TGM4: variants seen among roughly 807,000 people sequenced by gnomAD.
The protein encoded by TGM4 is protein-glutamine gamma-glutamyltransferase 4.
A neutral mutation model predicts 76.3 loss-of-function variants in TGM4; 61 were observed. That is an observed-to-expected ratio of 0.80 (90% confidence interval 0.65 to 0.99). The LOEUF (loss-of-function observed/expected upper bound fraction) is 0.99, where lower values mean the gene tolerates loss of function less well. TGM4 is among the 50% of genes least tolerant of loss of function. The probability of loss-of-function intolerance (pLI) is 0.00; values close to 1 mark genes in which losing one functional copy is unlikely to be tolerated. For missense variants in TGM4, 794 were observed against 843.2 expected, an observed-to-expected ratio of 0.94 and a Z score of 0.72; for synonymous variants, 337 against 329.8, an observed-to-expected ratio of 1.02 and a Z score of -0.24.
chr3:44,879,706 G>A (rs533880331), intron 1 of TGM4, among the ~76,000 whole-genome samples: 2 of 152,038 alleles, frequency 1.3e-5, no homozygotes, highest in South Asian at 2.1e-4. Flanking sequence ...TCGAACTCCT[G>A]ACCTCAGGTG....
chr3:44,910,468 T>C, intron 11 of TGM4, 100 bp downstream of exon 11: 1 of 1,409,150 alleles, frequency 7.1e-7, no homozygotes, highest in Non-Finnish European at 9.5e-7. Context: ...CATTGATAAA[T>C]TTTTGTGTGT....
intron 1 of TGM4, among the ~76,000 whole-genome samples, chr3:44,879,541 C>T (rs1699504177): frequency 6.7e-6 from 1 of 148,708 alleles, no homozygotes; most frequent in Non-Finnish European, 1.5e-5. Context: ...GGCGCAATCT[C>T]GGCTCACTGC....
chr3:44,896,409 C>A (rs939865450), intron 5 of TGM4, among the ~76,000 whole-genome samples: 1 of 152,190 alleles, frequency 6.6e-6, no homozygotes, highest in Non-Finnish European at 1.5e-5. Context: ...CCGCACCCGG[C>A]CTGTTTCATT....
chr3:44,886,382 A>G (rs1295222113), intron 2 of TGM4, among the ~76,000 whole-genome samples: 4 of 152,208 alleles, frequency 2.6e-5, no homozygotes, highest in African/African-American at 9.6e-5. Context: ...ACAAGATGGC[A>G]TACAATAGCA....
chr3:44,884,376 A>T (rs1028299086), intron 1 of TGM4, among the ~76,000 whole-genome samples: 2 of 152,228 alleles, frequency 1.3e-5, no homozygotes, highest in Non-Finnish European at 2.9e-5. Context: ...TGTCATTATA[A>T]CAGACACATG....
rs1700050900 is a variant in TGM4 at position 44,914,193 on chromosome 3, G to A, written c.*468G>A. 6.5e-6 allele frequency: 1 copy of A among 154,340 alleles called. No individual in the cohort carries two copies. Among genetic ancestry groups the A allele is most frequent in the East Asian group, 1.9e-4 (1 of 5,232 alleles). 9.6% of individuals were successfully genotyped at this position (154,340 alleles called of 1,614,324 possible). The stretch of plus-strand genomic sequence containing the variant: ...CAGCACTGGGATGGGCCTGATAGAA[G>A]TGCATTCTCCTCCTATTGCCTCCAT... On this transcript the variant is annotated 3_prime_UTR_variant, in exon 14 of 14. Coordinates refer to ENST00000296125, the MANE Select transcript of TGM4 (RefSeq NM_003241.4).
At chr3:44,890,471 C>G in intron 3 of TGM4, 132 bp from the exon 4 acceptor site, 2 of 1,332,992 alleles carry the variant, frequency 1.5e-6, no homozygotes, top group South Asian at 2.8e-5. Flanking sequence ...AGGGTCCTGA[C>G]CATTCCTTGT....
intron 11 of TGM4, 63 bp from the exon 12 acceptor site, chr3:44,910,895 G>A: frequency 6.4e-7 from 1 of 1,551,902 alleles, no homozygotes; most frequent in Non-Finnish European, 8.8e-7. Context: ...TGCTTGATGA[G>A]GAGAACTCAT....
At chr3:44,911,452 A>G (rs1168682862) in intron 13 of TGM4, 46 bp downstream of exon 13, 4 of 1,603,348 alleles carry the variant, frequency 2.5e-6, no homozygotes, top group Non-Finnish European at 3.4e-6. Context: ...CTGGACATAT[A>G]TCTTGCACAT....
chr3:44,881,194 GC>G (rs1382268932), intron 1 of TGM4, among the ~76,000 whole-genome samples: 1 of 151,686 alleles, frequency 6.6e-6, no homozygotes, highest in Non-Finnish European at 1.5e-5. Flanking sequence ...ACAGAGCAAG[GC>G]CCTGTATTAA....
intron 10 of TGM4, among the ~76,000 whole-genome samples, chr3:44,908,299 C>G (rs1284547902): frequency 1.3e-5 from 2 of 152,184 alleles, no homozygotes; most frequent in African/African-American, 2.4e-5. Context: ...CAGCTGCTAT[C>G]TCTGAAATAG....
intron 10 of TGM4, among the ~76,000 whole-genome samples, chr3:44,907,702 C>T (rs1699943888): frequency 6.6e-6 from 1 of 152,174 alleles, no homozygotes; most frequent in African/African-American, 2.4e-5. Context: ...TGGCTACTTT[C>T]ACCCCTGGCC....
Position 44,896,742 on chromosome 3 carries a change from C to T in TGM4, c.583C>T (p.Leu195=), listed in dbSNP as rs1366010873. 8 of 1,614,200 alleles carry T rather than the reference C, an allele frequency of 5.0e-6. No homozygotes were observed. The highest frequency in any genetic ancestry group is 6.8e-6 in the Non-Finnish European group (8 of 1,180,040). Residue 195 remains leucine, a synonymous_variant, in exon 6 of 14, where the codon CTG becomes TTG. Transcript: ENST00000296125. ...AAATGTCCTGGACTGCTGCATTTCC[C>T]TGCTGACTGAGAGCTCCCTCAAGCC... ...EKNVLDCCIS[L]LTESSLKPTD...
chr3:44,885,753 G>C (rs1283178726), intron 2 of TGM4, among the ~76,000 whole-genome samples: 1 of 152,178 alleles, frequency 6.6e-6, no homozygotes, highest in African/African-American at 2.4e-5. Flanking sequence ...GAGAGGAGGT[G>C]ACTCAGCGGG....
In TGM4 at chr3:44,890,576, G is replaced by A. The variant is rs762058260; in HGVS notation, c.301-27G>A. Reference sequence around the variant, plus strand: ...TTGGGATCTGGCCAGAGGGGGAGATGTCCACCTTATCTTATGGTTTGCTCA... The same window carrying A: ...TTGGGATCTGGCCAGAGGGGGAGATATCCACCTTATCTTATGGTTTGCTCA... On this transcript the variant is annotated intron_variant, in intron 3 of 13. Transcript: ENST00000296125. 5.6e-6 allele frequency: 9 copies of A among 1,611,624 alleles called. No homozygotes were observed. The Admixed American group carries it at 1.0e-4, about 18-fold the overall frequency.
In TGM4 at chr3:44,901,614, G is replaced by A; in HGVS notation, c.748G>A (p.Ala250Thr). The change falls in exon 7 of 14, where the codon GCC becomes ACC. Residue 250 changes from alanine (A) to threonine (T), a missense_variant. By Grantham distance (58) the Ala-to-Thr change is moderately conservative (BLOSUM62 0). Transcript: ENST00000296125. ...GTAPYKWTGS[A>T]PILQQYYNTK... Reference sequence around the variant, plus strand: ...AGCCCCATACAAGTGGACAGGCAGTGCCCCGATCCTGCAGCAGTACTACAA... The same window carrying A: ...AGCCCCATACAAGTGGACAGGCAGTACCCCGATCCTGCAGCAGTACTACAA... The A allele has an allele frequency of 6.2e-7, 1 of 1,614,192 alleles. No individual in the cohort carries two copies. The highest frequency in any genetic ancestry group is 8.5e-7 in the Non-Finnish European group (1 of 1,180,016).
At chr3:44,912,788 A>G (rs531782200) in intron 13 of TGM4, among the ~76,000 whole-genome samples, 1 of 152,224 alleles carries the variant, frequency 6.6e-6, no homozygotes, top group East Asian at 1.9e-4. Context: ...TTCTTTATAT[A>G]CCACTTGCAC....
At position 44,874,620 on chromosome 3, in the gene TGM4, G is replaced by A; in HGVS notation, c.-59G>A. On this transcript the variant is annotated 5_prime_UTR_variant, in exon 1 of 14. Transcript: ENST00000296125. ...TCCTCCCCTGAGGACCGACTGTGTG[G>A]AAGCACCAGGCATCAGAGATAGAGT... 6.2e-7 allele frequency: 1 copy of A among 1,610,734 alleles called. No homozygotes were observed. The highest frequency in any genetic ancestry group is 1.3e-5 in the African/African-American group (1 of 74,984).
chr3:44,913,880 A>C lies in TGM4; in HGVS notation c.*155A>C, dbSNP rs1314832856. 1.1e-5 allele frequency: 11 copies of C among 1,015,010 alleles called. No individual in the cohort carries two copies. Among genetic ancestry groups the C allele is most frequent in the Non-Finnish European group, 1.4e-5 (10 of 701,656 alleles). 62.9% of individuals were successfully genotyped at this position (1,015,010 alleles called of 1,614,324 possible). On this transcript the variant is annotated 3_prime_UTR_variant, in exon 14 of 14. Coordinates refer to ENST00000296125, the MANE Select transcript of TGM4 (RefSeq NM_003241.4). ...GGCCAACACAACCATAAGCAGCCAG[A>C]CCCACAAGGCCAGGTCCTGTGCTAT...
Sources: gnomAD v4.1 joint callset for allele counts (sites outside exome capture counted in the v4.1 genomes callset) on GRCh38, gnomAD v4.1.1 for gene constraint, MANE v1.5 for transcripts, NCBI Gene and HGNC (gene_info 2026-07-23, HGNC 2026-07-21) for gene names.